HTR3D: variants seen among roughly 807,000 people sequenced by gnomAD.
The protein encoded by HTR3D is 5-hydroxytryptamine (serotonin) receptor 3 family member D.
HTR3D carries 47 observed loss-of-function variants against 45.8 expected under a neutral mutation model. That is an observed-to-expected ratio of 1.03 (90% CI 0.81 to 1.31). HTR3D has a LOEUF of 1.31. HTR3D is among the 50% of genes most tolerant of loss of function. The probability of loss-of-function intolerance (pLI) is 0.00; values close to 1 mark genes in which losing one functional copy is unlikely to be tolerated. For missense variants in HTR3D, 448 were observed against 506.9 expected (o/e 0.88, Z 1.12); for synonymous variants, 203 against 199.8 (o/e 1.02, Z -0.13).
chr3:184,036,990 A>AGTGCTGG, intron 5 of HTR3D, 94 bp downstream of exon 5: 1 of 1,267,046 alleles, frequency 7.9e-7, no homozygotes, highest in Non-Finnish European at 1.1e-6. Context: ...GGCCTCCCAA[A>AGTGCTGG]GTGCTGGGAT....
chr3:184,031,653 A>G (rs1722752914), upstream of HTR3D: 30 of 858,732 alleles, frequency 3.5e-5, no homozygotes, highest in South Asian at 4.3e-4. Context: ...TATATATATT[A>G]TTCAAAGGTA....
At position 184,038,757 on chromosome 3, in the gene HTR3D, C is replaced by A. The variant is rs766992138; in HGVS notation, c.997C>A (p.Pro333Thr). The change falls in exon 8 of 8, where the codon CCA (proline) becomes ACA (threonine). Residue 333 changes from proline (P) to threonine (T), a missense_variant. Transcript: ENST00000428798. This position sits in a 1 kb window ranked among gnomAD's most constrained non-coding sequence, Gnocchi z 4.5. ...CTGTCTTTCTGTAGGTGTGAAGGAGCCAGAGGTATCAGCAGGGCAGATGCC... is the reference window on the plus strand; with the variant it reads ...CTGTCTTTCTGTAGGTGTGAAGGAGACAGAGGTATCAGCAGGGCAGATGCC... ...TPTHLPGVKE[P>T]EVSAGQMPGP... The A allele has an allele frequency of 1.9e-6, 3 of 1,600,232 alleles. No homozygotes were observed. The highest frequency in any genetic ancestry group is 2.2e-5 in the East Asian group (1 of 44,568).
At chr3:184,032,883 T>C (rs1722788327) in intron 1 of HTR3D, 2 of 1,551,964 alleles carry the variant, frequency 1.3e-6, no homozygotes, top group African/African-American at 1.4e-5. Flanking sequence ...TCTCAGTCTC[T>C]GCTCACTACA....
At position 184,038,045 on chromosome 3, in the gene HTR3D, C is replaced by T. The variant is rs1425601072; in HGVS notation, c.541C>T (p.Pro181Ser). 1 of 1,614,024 alleles carries T rather than the reference C, an allele frequency of 6.2e-7. No individual in the cohort carries two copies. Among genetic ancestry groups the T allele is most frequent in the African/African-American group, 1.3e-5 (1 of 74,918 alleles). Residue 181 changes from proline to serine, a missense_variant, in exon 6 of 8, where the codon CCC becomes TCC. Transcript: ENST00000428798. The surrounding 1 kb of genome is among the most constrained non-coding windows in gnomAD (Gnocchi z 4.5). ...GGTGGCCATCAGGCGCAGGTGCAGGCCCAGCCCCTACGTGGTAAACTTTCT... is the reference window on the plus strand; with the variant it reads ...GGTGGCCATCAGGCGCAGGTGCAGGTCCAGCCCCTACGTGGTAAACTTTCT... The part of the protein sequence containing the change: ...FHVAIRRRCR[P>S]SPYVVNFLVP...
chr3:184,033,534 G>A (rs1223020196), intron 1 of HTR3D, among the ~76,000 whole-genome samples: 1 of 152,122 alleles, frequency 6.6e-6, no homozygotes, highest in South Asian at 2.1e-4. Flanking sequence ...CACAAGAAAA[G>A]GTGTATGTTC....
chr3:184,036,148 A>C, intron 3 of HTR3D, 48 bp downstream of exon 3: 1 of 1,533,334 alleles, frequency 6.5e-7, no homozygotes, highest in Non-Finnish European at 8.8e-7. Context: ...TCTACAGGGA[A>C]GGACACAATG....
Position 184,039,054 on chromosome 3 carries a change from C to T in HTR3D, c.*79C>T, listed in dbSNP as rs1240831335. 2.0e-5 allele frequency: 17 copies of T among 856,288 alleles called. No homozygotes were observed. Among genetic ancestry groups the T allele is most frequent in the Middle Eastern group, 2.9e-4 (1 of 3,466 alleles). The allele number at this position is 856,288 out of a possible 1,614,324, so 53.0% of individuals were successfully genotyped here. On this transcript the variant is annotated 3_prime_UTR_variant, in exon 8 of 8. Transcript: ENST00000428798. ...AGAAACCAGTCAGGCTCTCAGTCAG[C>T]CTTGTGGCCCTGTCAACCGCCTCAT... is the stretch of plus-strand genomic sequence containing the variant.
Position 184,038,138 on chromosome 3 carries a change from T to C in HTR3D, c.634T>C (p.Cys212Arg), listed in dbSNP as rs934264478. The C allele has an allele frequency of 6.2e-7, 1 of 1,614,142 alleles. No homozygotes were observed. Among genetic ancestry groups the C allele is most frequent in the Non-Finnish European group, 8.5e-7 (1 of 1,180,030 alleles). ...CTACCTGCCACTGGAAAGTGGGAAT[T>C]GTGCCCCATTCAAGATGACTGTTCT... The part of the protein sequence containing the change: ...SFYLPLESGN[C>R]APFKMTVLLG... The change falls in exon 6 of 8, where the codon TGT becomes CGT. Residue 212 changes from cysteine (C) to arginine (R), a missense_variant. Transcript: ENST00000428798. The surrounding 1 kb of genome is among the most constrained non-coding windows in gnomAD (Gnocchi z 4.5).
chr3:184,036,239 A>G (rs1722883867), intron 3 of HTR3D, 136 bp from the exon 4 acceptor site: 2 of 1,489,898 alleles, frequency 1.3e-6, no homozygotes, highest in African/African-American at 1.4e-5. Flanking sequence ...CCAGAATATG[A>G]TTATAGGTAG....
intron 2 of HTR3D, among the ~76,000 whole-genome samples, chr3:184,035,564 C>T (rs898843137): frequency 6.6e-6 from 1 of 151,884 alleles, no homozygotes; most frequent in South Asian, 2.1e-4. Context: ...AGAGAGGTGG[C>T]AGGAGAGTGA....
chr3:184,032,180 G>A (rs1458422629), intron 1 of HTR3D, among the ~76,000 whole-genome samples: 1 of 152,064 alleles, frequency 6.6e-6, no homozygotes, highest in African/African-American at 2.4e-5. Flanking sequence ...TTTTAGTAGA[G>A]ATGGGGTTTC....
chr3:184,034,573 A>T (rs1300161536), intron 1 of HTR3D, among the ~76,000 whole-genome samples: 1 of 149,364 alleles, frequency 6.7e-6, no homozygotes, highest in South Asian at 2.2e-4. Context: ...AAGAGAGTAC[A>T]TTTTATGTTA....
intron 2 of HTR3D, 116 bp downstream of exon 2, chr3:184,035,338 A>C: frequency 1.1e-6 from 1 of 885,574 alleles, no homozygotes; most frequent in Non-Finnish European, 1.8e-6. Flanking sequence ...AAATTAGACA[A>C]GTTCAAATAG....
At chr3:184,036,260 T>G in intron 3 of HTR3D, 115 bp from the exon 4 acceptor site, 2 of 1,482,324 alleles carry the variant, frequency 1.3e-6, no homozygotes, top group South Asian at 1.3e-5. Flanking sequence ...AAGAGAGCAG[T>G]CATCTGAGTG....
chr3:184,038,550 G>T lies in HTR3D; in HGVS notation c.911G>T (p.Gly304Val). 1 of 1,613,932 alleles carries T rather than the reference G, an allele frequency of 6.2e-7. No individual in the cohort carries two copies. The highest frequency in any genetic ancestry group is 8.5e-7 in the Non-Finnish European group (1 of 1,180,040). ...WLHSLLLHCTGQGRCCPTAPQ... is the reference protein window; with the variant it reads ...WLHSLLLHCTVQGRCCPTAPQ... ...CACTCCCTGCTGCTGCACTGCACCG[G>T]CCAAGGGAGATGCTGTCCCACTGCG... Residue 304 changes from glycine (G) to valine (V), a missense_variant, in exon 7 of 8, where the codon GGC (glycine) becomes GTC (valine). By Grantham distance (109) the Gly-to-Val change is moderately radical. Transcript: ENST00000428798. This position sits in a 1 kb window ranked among gnomAD's most constrained non-coding sequence, Gnocchi z 4.5.
At chr3:184,035,062 T>C (rs893106969) in intron 1 of HTR3D, 116 bp from the exon 2 acceptor site, 15 of 1,523,350 alleles carry the variant, frequency 9.8e-6, no homozygotes, top group Non-Finnish European at 1.3e-5. Flanking sequence ...TTCAGTGGCT[T>C]AGATCAAAAA....
At chr3:184,036,719 T>C (rs1256553384) in intron 4 of HTR3D, 29 bp from the exon 5 acceptor site, 1 of 1,552,680 alleles carries the variant, frequency 6.4e-7, no homozygotes, top group East Asian at 2.4e-5. Flanking sequence ...CTGAGTCTTC[T>C]GGGCCTGCTT....
Position 184,038,916 on chromosome 3 carries a change from C to G in HTR3D, c.1156C>G (p.Leu386Val). Residue 386 changes from leucine (L) to valine (V), a missense_variant, in exon 8 of 8, where the codon CTC becomes GTC. Leu to Val is a conservative substitution (Grantham distance 32). Transcript: ENST00000428798. The surrounding 1 kb of genome is among the most constrained non-coding windows in gnomAD (Gnocchi z 4.5). ...SHAMDALLFR[L>V]YLLFMASSII... ...CGCGATGGACGCCCTGCTCTTCCGC[C>G]TCTACCTGCTCTTCATGGCCTCCTC... The G allele has an allele frequency of 6.2e-7, 1 of 1,614,214 alleles. No individual in the cohort carries two copies. Among genetic ancestry groups the G allele is most frequent in the Non-Finnish European group, 8.5e-7 (1 of 1,180,036 alleles).
In HTR3D at chr3:184,038,904, C is replaced by A. The variant is rs115389821; in HGVS notation, c.1144C>A (p.Leu382Met). 5,214 of 1,614,210 alleles carry A rather than the reference C, an allele frequency of 3.2e-3. 45 individuals are homozygous for A. Among genetic ancestry groups the A allele is most frequent in the African/African-American group, 0.025 (1,849 of 75,054 alleles). The change falls in exon 8 of 8, where the codon CTG becomes ATG. Residue 382 changes from leucine to methionine, a missense_variant. Transcript: ENST00000428798. This position sits in a 1 kb window ranked among gnomAD's most constrained non-coding sequence, Gnocchi z 4.5. The part of the protein sequence containing the change: ...WVQFSHAMDA[L>M]LFRLYLLFMA... Reference sequence around the variant, plus strand: ...GCAGTTCAGCCACGCGATGGACGCCCTGCTCTTCCGCCTCTACCTGCTCTT... The same window carrying A: ...GCAGTTCAGCCACGCGATGGACGCCATGCTCTTCCGCCTCTACCTGCTCTT...
Sources: allele counts gnomAD v4.1 joint callset (sites outside exome capture counted in the v4.1 genomes callset), GRCh38; gene constraint gnomAD v4.1.1; non-coding constraint Gnocchi (gnomAD v3.1); transcripts MANE v1.5; gene names NCBI Gene and HGNC (gene_info 2026-07-23, HGNC 2026-07-21).